CLIP4: variants seen among roughly 807,000 people sequenced by gnomAD.
The protein encoded by CLIP4 is CAP-Gly domain-containing linker protein 4.
A neutral mutation model predicts 73.1 loss-of-function variants in CLIP4; 47 were observed. The observed-to-expected ratio is 0.64, with a 90% confidence interval of 0.51 to 0.82. The LOEUF (loss-of-function observed/expected upper bound fraction) is 0.82. Ranked by LOEUF, CLIP4 falls within the 40% of genes least tolerant of loss-of-function variation. CLIP4 has a pLI of 0.00. For synonymous variants in CLIP4, 306 were observed against 295.4 expected, an observed-to-expected ratio of 1.04 and a Z score of -0.37; for missense variants, 874 against 852.9, an observed-to-expected ratio of 1.02 and a Z score of -0.31.
intron 11 of CLIP4, among the ~76,000 whole-genome samples, chr2:29,157,943 A>G (rs1378982003): frequency 6.6e-6 from 1 of 152,218 alleles, no homozygotes; most frequent in Non-Finnish European, 1.5e-5. Flanking sequence ...TACGTTCTTC[A>G]TGAACCTCTT....
chr2:29,181,113 T>A (rs952158641), intron 15 of CLIP4, among the ~76,000 whole-genome samples: 10 of 152,140 alleles, frequency 6.6e-5, no homozygotes, highest in African/African-American at 2.2e-4. Flanking sequence ...ACCTATAACA[T>A]AAACAGCTGA....
At chr2:29,120,010 G>A (rs182248019) in intron 1 of CLIP4, among the ~76,000 whole-genome samples, 24 of 152,194 alleles carry the variant, frequency 1.6e-4, no homozygotes, top group Non-Finnish European at 3.2e-4. Flanking sequence ...GTATATAGTG[G>A]TTCCTTAATA....
intron 2 of CLIP4, chr2:29,130,641 A>G: frequency 8.9e-7 from 1 of 1,122,242 alleles, no homozygotes; most frequent in Non-Finnish European, 1.1e-6. Flanking sequence ...TTTGTTGTCT[A>G]AGCTTACGAA....
chr2:29,116,134 T>A (rs890072514), intron 1 of CLIP4, among the ~76,000 whole-genome samples: 2 of 152,238 alleles, frequency 1.3e-5, no homozygotes, highest in Non-Finnish European at 2.9e-5. Context: ...ACCAAATGGC[T>A]GTCCTTGCAG....
chr2:29,164,678 C>A (rs1261303815), intron 13 of CLIP4, among the ~76,000 whole-genome samples: 1 of 152,190 alleles, frequency 6.6e-6, no homozygotes, highest in East Asian at 1.9e-4. Flanking sequence ...TAATCACATT[C>A]ATGAGACTAG....
chr2:29,099,491 C>T (rs1667977751), intron 1 of CLIP4, among the ~76,000 whole-genome samples: 1 of 152,164 alleles, frequency 6.6e-6, no homozygotes, highest in Admixed American at 6.6e-5. Context: ...TGTCTTTGCT[C>T]CTGTGTTATC....
At chr2:29,160,191 C>T in intron 11 of CLIP4, 142 bp from the exon 12 acceptor site, 2 of 940,568 alleles carry the variant, frequency 2.1e-6, no homozygotes, top group Non-Finnish European at 3.3e-6. Context: ...TGAAAGGCAT[C>T]AGATATCAAA....
chr2:29,138,489 CTT>C (rs545466027), intron 6 of CLIP4, among the ~76,000 whole-genome samples: 12 of 140,674 alleles, frequency 8.5e-5, no homozygotes, highest in East Asian at 4.2e-4. Context: ...TATTTGGGCT[CTT>C]TTTTTTTTTT....
chr2:29,167,751 A>T (rs1667721784), intron 14 of CLIP4: 2 of 399,660 alleles, frequency 5.0e-6, no homozygotes, highest in Admixed American at 8.9e-5. Flanking sequence ...ATCCCATCTC[A>T]TCTGCCTTGC....
intron 15 of CLIP4, among the ~76,000 whole-genome samples, chr2:29,180,842 G>A (rs1054705560): frequency 2.1e-5 from 1 of 46,622 alleles, no homozygotes; most frequent in Non-Finnish European, 5.5e-5. Context: ...ATATATGTAT[G>A]TGTGTGTGTG....
chr2:29,139,314 C>G (rs921917011), intron 6 of CLIP4, among the ~76,000 whole-genome samples: 4 of 152,028 alleles, frequency 2.6e-5, no homozygotes, highest in Non-Finnish European at 5.9e-5. Flanking sequence ...TATTGACTTG[C>G]ATACGTTGAA....
chr2:29,147,155 T>C (rs1322666759), intron 8 of CLIP4, among the ~76,000 whole-genome samples: 1 of 152,160 alleles, frequency 6.6e-6, no homozygotes, highest in Non-Finnish European at 1.5e-5. Context: ...ATTTTTCCAA[T>C]TTGACAGATG....
intron 1 of CLIP4, among the ~76,000 whole-genome samples, chr2:29,107,367 T>TGTTTTTTTG (rs1558504949): frequency 2.0e-4 from 22 of 111,202 alleles, no homozygotes; most frequent in African/African-American, 7.3e-4. Context: ...AGTTTTTTTT[T>TGTTTTTTTG]TTTTTTTTTT....
chr2:29,140,443 T>C (rs1042289440), intron 6 of CLIP4, among the ~76,000 whole-genome samples: 3 of 152,140 alleles, frequency 2.0e-5, no homozygotes, highest in African/African-American at 7.2e-5. Flanking sequence ...TATTCCATGG[T>C]GTGTATGTGC....
At chr2:29,165,005 A>C (rs1047017310) in intron 13 of CLIP4, among the ~76,000 whole-genome samples, 4 of 152,206 alleles carry the variant, frequency 2.6e-5, no homozygotes, top group African/African-American at 9.7e-5. Flanking sequence ...ACATTTGTTG[A>C]GCATTTAGTG....
intron 5 of CLIP4, among the ~76,000 whole-genome samples, chr2:29,134,736 A>G (rs1445803298): frequency 6.6e-6 from 1 of 152,168 alleles, no homozygotes; most frequent in Non-Finnish European, 1.5e-5. Flanking sequence ...AATACTCAAG[A>G]TGGGATTCCC....
intron 14 of CLIP4, among the ~76,000 whole-genome samples, chr2:29,168,668 A>G (rs1180925047): frequency 6.6e-6 from 1 of 150,898 alleles, no homozygotes; most frequent in Admixed American, 6.6e-5. Flanking sequence ...CACTACAAGC[A>G]CCTGCCACCA....
At chr2:29,110,757 C>T (rs1668364558), upstream of CLIP4, among the ~76,000 whole-genome samples, 1 of 152,164 alleles carries the variant, frequency 6.6e-6, no homozygotes, top group Non-Finnish European at 1.5e-5. Context: ...GGCATGCTCT[C>T]AGCTCACTGC....
At chr2:29,161,569 G>C (rs1667294018) in intron 12 of CLIP4, among the ~76,000 whole-genome samples, 1 of 152,138 alleles carries the variant, frequency 6.6e-6, no homozygotes, top group Non-Finnish European at 1.5e-5. Flanking sequence ...ACAGGTTTGA[G>C]ACAAAGCACT....
Sources: gnomAD v4.1 joint callset for allele counts (sites outside exome capture counted in the v4.1 genomes callset) on GRCh38, gnomAD v4.1.1 for gene constraint, MANE v1.5 for transcripts, NCBI Gene and HGNC (gene_info 2026-07-23, HGNC 2026-07-21) for gene names.